RNF19B: variants seen among roughly 807,000 people sequenced by gnomAD.
RNF19B encodes ring finger protein 19B.
Under a neutral mutation model 65.5 loss-of-function variants are expected in RNF19B, and 23 were observed. The observed-to-expected ratio is 0.35, with a 90% CI of 0.25 to 0.50. The LOEUF is 0.50. Among genes scored for constraint, RNF19B ranks in the 20% least tolerant of loss-of-function variants. The pLI, the probability that RNF19B is intolerant of heterozygous loss-of-function variation, is 0.98. For missense variants in RNF19B, 794 were observed against 980.0 expected, an observed-to-expected ratio of 0.81 and a Z score of 2.53; for synonymous variants, 372 against 379.6, an observed-to-expected ratio of 0.98 and a Z score of 0.23.
intron 1 of RNF19B, among the ~76,000 whole-genome samples, chr1:32,958,768 G>A (rs1308953874): frequency 6.6e-6 from 1 of 151,990 alleles, no homozygotes; most frequent in East Asian, 1.9e-4. Context: ...TAAATGATAA[G>A]GGTAGATCAA....
In RNF19B at chr1:32,944,153, C is replaced by A; in HGVS notation, c.1268G>T (p.Gly423Val). ...PVIAAVSVGIGVPIMLAYVYG... is the reference protein window; with the variant it reads ...PVIAAVSVGIVVPIMLAYVYG... ...AACATATGCCAGCATAATGGGGACA[C>A]CAATACCTGGGGGAAGAGAAGGAAA... Residue 423 changes from glycine to valine, a missense_variant, in exon 6 of 9, where the codon GGT (glycine) becomes GTT (valine). Physicochemically the swap from Gly to Val is moderately radical, Grantham distance 109 (BLOSUM62 -3). This residue lies in a region of RNF19B where 368 missense variants were observed against 447.3 expected (regional missense o/e 0.82). Coordinates refer to ENST00000235150, the MANE Select transcript of RNF19B (RefSeq NM_001300826.2). 6.2e-7 allele frequency: 1 copy of A among 1,610,842 alleles called. No individual in the cohort carries two copies. The highest frequency in any genetic ancestry group is 8.5e-7 in the Non-Finnish European group (1 of 1,178,648).
In RNF19B at chr1:32,937,143, T is replaced by C; in HGVS notation, c.1859A>G (p.Asn620Ser). The C allele has an allele frequency of 6.2e-7, 1 of 1,614,084 alleles. No homozygotes were observed. The highest frequency in any genetic ancestry group is 2.2e-5 in the East Asian group (1 of 44,902). ...TCCGCCACCACTACCTTCTTCTTCATTCTCTGCCATCTGAGCATGAACATG... is the reference window on the plus strand; with the variant it reads ...TCCGCCACCACTACCTTCTTCTTCACTCTCTGCCATCTGAGCATGAACATG... ...SLHVHAQMAENEEEGSGGGGS... is the reference protein window; with the variant it reads ...SLHVHAQMAESEEEGSGGGGS... The change falls in exon 9 of 9, where the codon AAT becomes AGT. Residue 620 changes from asparagine to serine, a missense_variant. This residue lies in a region of RNF19B where 368 missense variants were observed against 447.3 expected (regional missense o/e 0.82). Transcript: ENST00000235150.
the RNF19B span, among the ~76,000 whole-genome samples, chr1:32,930,380 G>C: frequency 2.0e-4 from 30 of 149,032 alleles, no homozygotes; most frequent in Non-Finnish European, 3.6e-4. Flanking sequence ...AATGTTCCGG[G>C]ATTACAGGTA....
In RNF19B at chr1:32,947,395, C is replaced by T. The variant is rs180869404; in HGVS notation, c.983+827G>A. Among the ~76,000 whole-genome samples, 23 of 152,288 alleles carry T rather than the reference C, an allele frequency of 1.5e-4. No homozygotes were observed. The South Asian group carries it at 2.3e-3, about 15-fold the overall frequency. On this transcript the variant is annotated intron_variant, in intron 3 of 8. Transcript: ENST00000235150. Reference sequence around the variant, plus strand: ...CTCAATGAGGCTGGGCGCGGTGGCTCGCGCTTGTAATCCCAGAACTTTGGG... The same window carrying T: ...CTCAATGAGGCTGGGCGCGGTGGCTTGCGCTTGTAATCCCAGAACTTTGGG...
At chr1:32,953,121 C>CTTTTTCT (rs554312239) in intron 1 of RNF19B, among the ~76,000 whole-genome samples, 5 of 151,470 alleles carry the variant, frequency 3.3e-5, no homozygotes, top group Non-Finnish European at 2.9e-5. Flanking sequence ...GCCCAGCTAA[C>CTTTTTCT]TTTTTCTTTT....
downstream of RNF19B, among the ~76,000 whole-genome samples, chr1:32,934,696 G>T (rs1557560414): frequency 6.6e-6 from 1 of 151,958 alleles, no homozygotes; most frequent in African/African-American, 2.4e-5. Flanking sequence ...ACATAAATAA[G>T]ATCTGAAAGT....
intron 2 of RNF19B, 128 bp downstream of exon 2, chr1:32,949,441 C>A: frequency 1.5e-6 from 1 of 687,248 alleles, no homozygotes; most frequent in East Asian, 2.7e-5. Flanking sequence ...AAAGTATTAT[C>A]AAATGATATT....
the RNF19B span, among the ~76,000 whole-genome samples, chr1:32,931,393 T>C: frequency 2.0e-5 from 3 of 152,118 alleles, no homozygotes; most frequent in Non-Finnish European, 2.9e-5. Flanking sequence ...ACGAGAAGTA[T>C]TAGTATTCCC....
chr1:32,950,183 G>A (rs908239837), intron 1 of RNF19B, among the ~76,000 whole-genome samples: 1 of 152,082 alleles, frequency 6.6e-6, no homozygotes, highest in East Asian at 1.9e-4. Context: ...ATGTTGGCCA[G>A]GCTGGTCTCA....
intron 1 of RNF19B, among the ~76,000 whole-genome samples, chr1:32,963,235 C>T (rs1048198423): frequency 2.1e-4 from 32 of 152,118 alleles, no homozygotes; most frequent in African/African-American, 7.7e-4. Context: ...TCAGGGTACC[C>T]GAGAGCCTAT....
intron 5 of RNF19B, 42 bp downstream of exon 5, chr1:32,945,472 C>T: frequency 7.6e-7 from 1 of 1,312,914 alleles, no homozygotes; most frequent in Non-Finnish European, 1.1e-6. Flanking sequence ...CTGCTATGGT[C>T]AGAAAGCTGA....
chr1:32,952,446 A>AC (rs1387769322), intron 1 of RNF19B, among the ~76,000 whole-genome samples: 5 of 148,306 alleles, frequency 3.4e-5, no homozygotes, highest in African/African-American at 1.3e-4. Context: ...AAAAAAAAAA[A>AC]AAAAAAAAAA....
intron 2 of RNF19B, among the ~76,000 whole-genome samples, chr1:32,948,684 T>C (rs908123067): frequency 2.6e-5 from 4 of 152,224 alleles, no homozygotes; most frequent in South Asian, 2.1e-4. Context: ...TACCAGTCGA[T>C]AGGCTGGTAG....
intron 3 of RNF19B, among the ~76,000 whole-genome samples, chr1:32,947,689 G>C (rs1193327705): frequency 6.6e-6 from 1 of 150,452 alleles, no homozygotes; most frequent in East Asian, 1.9e-4. Flanking sequence ...TTCACTTAAT[G>C]AATTCCTTGG....
intron 1 of RNF19B, among the ~76,000 whole-genome samples, chr1:32,963,610 C>T (rs956083507): frequency 1.5e-4 from 22 of 151,132 alleles, no homozygotes; most frequent in Non-Finnish European, 2.9e-5. Flanking sequence ...CCCAGCTACT[C>T]GGGAGGCTGA....
At chr1:32,947,795 GT>G (rs2124143272) in intron 3 of RNF19B, among the ~76,000 whole-genome samples, 1 of 152,102 alleles carries the variant, frequency 6.6e-6, no homozygotes, top group African/African-American at 2.4e-5. Flanking sequence ...GAAGTGTAAA[GT>G]ACTGACGATA....
intron 1 of RNF19B, among the ~76,000 whole-genome samples, chr1:32,951,365 C>T (rs1362885514): frequency 6.6e-6 from 1 of 152,224 alleles, no homozygotes; most frequent in Non-Finnish European, 1.5e-5. Context: ...GCACAGCCCA[C>T]GGGGCAGCAG....
At chr1:32,932,574 A>C (rs1642040255), downstream of RNF19B, among the ~76,000 whole-genome samples, 1 of 152,208 alleles carries the variant, frequency 6.6e-6, no homozygotes, top group Non-Finnish European at 1.5e-5. Flanking sequence ...ATGAGTATTC[A>C]TTTACCATAT....
downstream of RNF19B, among the ~76,000 whole-genome samples, chr1:32,935,203 T>C (rs1435903002): frequency 1.3e-5 from 2 of 151,818 alleles, no homozygotes; most frequent in Non-Finnish European, 2.9e-5. Context: ...CAGTGGGTGA[T>C]GTCAGCTCAC....
Sources: allele counts gnomAD v4.1 joint callset (sites outside exome capture counted in the v4.1 genomes callset), GRCh38; gene constraint gnomAD v4.1.1; regional missense constraint gnomAD v4.1.1; transcripts MANE v1.5; gene names NCBI Gene and HGNC (gene_info 2026-07-23, HGNC 2026-07-21).